Variants in SSH2 observed in about 807,000 individuals in gnomAD.
SSH2 encodes the protein slingshot protein phosphatase 2.
In SSH2, 37 loss-of-function variants were observed where a neutral mutation model predicts 135.2. That is an observed-to-expected ratio of 0.27 (90% CI 0.21 to 0.36). SSH2 has a LOEUF of 0.36. Among genes scored for constraint, SSH2 ranks in the 10% least tolerant of loss-of-function variants. The pLI, the probability that SSH2 is intolerant of heterozygous loss-of-function variation, is 1.00. For missense variants in SSH2, 1,408 were observed against 1,765.3 expected, an observed-to-expected ratio of 0.80 and a Z score of 3.63; for synonymous variants, 628 against 646.2, an observed-to-expected ratio of 0.97 and a Z score of 0.43.
At chr17:29,788,614 CCCTCCCTTCCTCCCTT>C (rs202187475) in intron 3 of SSH2, among the ~76,000 whole-genome samples, 1 of 151,536 alleles carries the variant, frequency 6.6e-6, no homozygotes, top group Non-Finnish European at 1.5e-5. Flanking sequence ...CTCACTCTCT[CCCTCCCTTCCTCCCTT>C]CCTCCCTTCC....
rs573407320 is a variant in SSH2 at position 29,767,794 on chromosome 17, T to C, written c.188+26100A>G. ...TACAATCATATATAATCTATTTAAA[T>C]AGTCCTTTACTTATGGGCATTTAAG... On this transcript the variant is annotated intron_variant, in intron 3 of 15. Coordinates refer to ENST00000540801, the MANE Select transcript of SSH2 (RefSeq NM_001282129.2). 3.3e-5 allele frequency among the ~76,000 whole-genome samples: 5 copies of C among 152,334 alleles called. No individual in the cohort carries two copies. The South Asian group carries it at 6.2e-4, about 19-fold the overall frequency.
In SSH2 at chr17:29,849,856, GTA is replaced by G. The variant is rs59297985; in HGVS notation, c.64-929_64-928del. Reference sequence around the variant, plus strand: ...CTGTACTACAAAAAAAAAAAAAAAAGTATATATATATATATATATATATATTA... The same window carrying G: ...CTGTACTACAAAAAAAAAAAAAAAAGTATATATATATATATATATATATTA... On this transcript the variant is annotated intron_variant, in intron 1 of 15. Transcript: ENST00000540801. Among the ~76,000 whole-genome samples the G allele has an allele frequency of 1.9e-3, 223 of 118,078 alleles. 1 individual carries two copies. The highest frequency in any genetic ancestry group is 4.2e-3 in the African/African-American group (129 of 30,732). 77.5% of individuals were successfully genotyped at this position (118,078 alleles called of 152,430 possible).
intron 2 of SSH2, among the ~76,000 whole-genome samples, chr17:29,812,229 T>C (rs1194874462): frequency 6.6e-6 from 1 of 151,834 alleles, no homozygotes; most frequent in African/African-American, 2.4e-5. Context: ...CTATTAAAAG[T>C]ATACAATTCA....
chr17:29,849,782 C>A (rs2065516722), intron 1 of SSH2, among the ~76,000 whole-genome samples: 1 of 145,554 alleles, frequency 6.9e-6, no homozygotes, highest in African/African-American at 2.5e-5. Context: ...GGCAGATCAC[C>A]TGAGGTTAGG....
intron 1 of SSH2, chr17:29,882,980 G>A (rs560285865): frequency 6.6e-6 from 1 of 152,034 alleles, no homozygotes; most frequent in African/African-American, 2.4e-5. Context: ...TTTTCTTAAT[G>A]GCCAAATCAT....
intron 3 of SSH2, among the ~76,000 whole-genome samples, chr17:29,733,241 A>T (rs1038595002): frequency 1.3e-5 from 2 of 152,194 alleles, no homozygotes; most frequent in Admixed American, 6.5e-5. Flanking sequence ...CGGTACACAG[A>T]TTTTCTAATA....
At chr17:29,697,506 T>G (rs534725469) in intron 4 of SSH2, among the ~76,000 whole-genome samples, 167 of 152,282 alleles carry the variant, frequency 1.1e-3, no homozygotes, top group African/African-American at 4.0e-3. Context: ...TTCTTCTCCC[T>G]CTTTCCTTCT....
At chr17:29,910,421 A>T (rs779767079) in intron 1 of SSH2, among the ~76,000 whole-genome samples, 1 of 152,216 alleles carries the variant, frequency 6.6e-6, no homozygotes, top group Non-Finnish European at 1.5e-5. Context: ...CTTACTCTAC[A>T]TATGATTCAT....
At chr17:29,869,993 G>T (rs1250355143) in intron 1 of SSH2, among the ~76,000 whole-genome samples, 1 of 151,484 alleles carries the variant, frequency 6.6e-6, no homozygotes, top group African/African-American at 2.4e-5. Context: ...TTTTTTTTCA[G>T]GTTTGGTTTT....
intron 3 of SSH2, among the ~76,000 whole-genome samples, chr17:29,739,337 G>C (rs185931413): frequency 2.8e-4 from 42 of 152,276 alleles, no homozygotes; most frequent in African/African-American, 9.9e-4. Context: ...GTAATGCTCT[G>C]CTGTCTTGAA....
chr17:29,796,159 T>C (rs2151307457), intron 2 of SSH2, among the ~76,000 whole-genome samples: 1 of 152,346 alleles, frequency 6.6e-6, no homozygotes, highest in African/African-American at 2.4e-5. Context: ...GCTATAATAG[T>C]ACCAACACTG....
intron 12 of SSH2, 27 bp from the exon 13 acceptor site, chr17:29,650,827 T>G (rs1264354112): frequency 1.3e-6 from 2 of 1,581,014 alleles, no homozygotes. Context: ...GGAGAATATG[T>G]GCTCTACTAC....
At chr17:29,770,216 C>T (rs1165937377) in intron 3 of SSH2, among the ~76,000 whole-genome samples, 2 of 144,462 alleles carry the variant, frequency 1.4e-5, no homozygotes, top group Non-Finnish European at 3.0e-5. Context: ...ACTAGTGATT[C>T]TCATGCCTCA....
chr17:29,909,552 C>T (rs933816789), intron 1 of SSH2, among the ~76,000 whole-genome samples: 4 of 152,128 alleles, frequency 2.6e-5, no homozygotes, highest in Non-Finnish European at 5.9e-5. Context: ...ATAACTCAGA[C>T]GTTATAAATG....
intron 2 of SSH2, among the ~76,000 whole-genome samples, chr17:29,831,436 G>A (rs955418729): frequency 2.0e-5 from 3 of 152,158 alleles, no homozygotes; most frequent in Admixed American, 6.5e-5. Context: ...AATAAGAGAC[G>A]CTAATCTAGA....
intron 1 of SSH2, among the ~76,000 whole-genome samples, chr17:29,890,879 C>T (rs927896518): frequency 6.6e-6 from 1 of 152,116 alleles, no homozygotes; most frequent in African/African-American, 2.4e-5. Flanking sequence ...CCTCAGCCTC[C>T]CGAGTAGCTG....
At chr17:29,812,687 G>C (rs568864563) in intron 2 of SSH2, among the ~76,000 whole-genome samples, 1 of 151,888 alleles carries the variant, frequency 6.6e-6, no homozygotes, top group Non-Finnish European at 1.5e-5. Context: ...TCAGGAGATC[G>C]AGACCATCCT....
chr17:29,853,372 AC>A (rs1299632427), intron 1 of SSH2, among the ~76,000 whole-genome samples: 1 of 151,642 alleles, frequency 6.6e-6, no homozygotes, highest in Non-Finnish European at 1.5e-5. Context: ...GGCATGAGCC[AC>A]CGCGCGCGGC....
At chr17:29,907,181 A>T (rs1259064604) in intron 1 of SSH2, among the ~76,000 whole-genome samples, 4 of 152,262 alleles carry the variant, frequency 2.6e-5, no homozygotes, top group Non-Finnish European at 5.9e-5. Flanking sequence ...CTATGCAGTC[A>T]TAAAAAGGAA....
Sources: gnomAD v4.1 joint callset for allele counts (sites outside exome capture counted in the v4.1 genomes callset) on GRCh38, gnomAD v4.1.1 for gene constraint, MANE v1.5 for transcripts, NCBI Gene and HGNC (gene_info 2026-07-23, HGNC 2026-07-21) for gene names.